HS6ST3: variants seen among roughly 807,000 people sequenced by gnomAD.
HS6ST3 encodes the protein heparan sulfate 6-O-sulfotransferase 3.
A neutral mutation model predicts 36.7 loss-of-function variants in HS6ST3; 12 were observed. That is an observed-to-expected ratio of 0.33 (90% CI 0.21 to 0.53). The LOEUF (loss-of-function observed/expected upper bound fraction) is 0.53. Ranked by LOEUF, HS6ST3 falls within the 20% of genes least tolerant of loss-of-function variation. The probability of loss-of-function intolerance (pLI) is 0.95; values close to 1 mark genes in which losing one functional copy is unlikely to be tolerated. For synonymous variants in HS6ST3, 240 were observed against 257.5 expected (o/e 0.93, Z 0.65); for missense variants, 584 against 640.9 (o/e 0.91, Z 0.96).
intron 1 of HS6ST3, among the ~76,000 whole-genome samples, chr13:96,345,890 T>C (rs2055151647): frequency 6.6e-6 from 1 of 152,244 alleles, no homozygotes; most frequent in Non-Finnish European, 1.5e-5. Context: ...AGAAAGTTTA[T>C]GAATCTGTGT....
intron 1 of HS6ST3, among the ~76,000 whole-genome samples, chr13:96,826,680 C>T (rs931444609): frequency 2.7e-4 from 41 of 152,270 alleles, no homozygotes; most frequent in African/African-American, 5.8e-4. Context: ...AGGCTTTCAA[C>T]GTGAGAGAAG....
intron 1 of HS6ST3, among the ~76,000 whole-genome samples, chr13:96,743,643 G>A (rs550427695): frequency 1.3e-5 from 2 of 152,084 alleles, no homozygotes; most frequent in African/African-American, 4.8e-5. Flanking sequence ...GAGTCCTTGT[G>A]GTGTGTGAAA....
At chr13:96,817,654 C>T (rs1878449632) in intron 1 of HS6ST3, among the ~76,000 whole-genome samples, 1 of 152,084 alleles carries the variant, frequency 6.6e-6, no homozygotes, top group South Asian at 2.1e-4. Context: ...CTTTTGGTTG[C>T]AGTTGTTTGC....
intron 1 of HS6ST3, among the ~76,000 whole-genome samples, chr13:96,644,794 C>A (rs888365050): frequency 6.6e-6 from 1 of 151,962 alleles, no homozygotes; most frequent in Non-Finnish European, 1.5e-5. Flanking sequence ...TTGTTGGCTT[C>A]TTGATATGGT....
intron 1 of HS6ST3, among the ~76,000 whole-genome samples, chr13:96,551,529 G>T: frequency 6.6e-6 from 1 of 152,118 alleles, no homozygotes; most frequent in East Asian, 1.9e-4. Flanking sequence ...TACTCTTGGG[G>T]GGTAGGTGGA....
intron 1 of HS6ST3, among the ~76,000 whole-genome samples, chr13:96,745,033 A>G (rs995036022): frequency 3.3e-5 from 5 of 151,992 alleles, no homozygotes; most frequent in Admixed American, 1.3e-4. Flanking sequence ...TACTAACCCA[A>G]CATTTCCTTC....
chr13:96,389,986 G>A (rs906188909), intron 1 of HS6ST3, among the ~76,000 whole-genome samples: 2 of 152,068 alleles, frequency 1.3e-5, no homozygotes, highest in Non-Finnish European at 1.5e-5. Context: ...TTTAAACTTG[G>A]TGTGTAATTT....
At chr13:96,365,846 T>C (rs1232204055) in intron 1 of HS6ST3, among the ~76,000 whole-genome samples, 1 of 152,138 alleles carries the variant, frequency 6.6e-6, no homozygotes, top group Non-Finnish European at 1.5e-5. Context: ...GATTTTTGTG[T>C]TACAGTTTCA....
chr13:96,664,594 A>G (rs1478232514), intron 1 of HS6ST3, among the ~76,000 whole-genome samples: 2 of 151,952 alleles, frequency 1.3e-5, no homozygotes, highest in African/African-American at 4.8e-5. Context: ...TCCTCCTCTC[A>G]CTCACTCTGA....
At chr13:96,214,749 T>G (rs1236883057) in intron 1 of HS6ST3, among the ~76,000 whole-genome samples, 1 of 152,150 alleles carries the variant, frequency 6.6e-6, no homozygotes, top group Non-Finnish European at 1.5e-5. Context: ...ACCTGTAGAT[T>G]GTAGAAATGT....
At chr13:96,456,753 A>T (rs1244310206) in intron 1 of HS6ST3, among the ~76,000 whole-genome samples, 1 of 152,124 alleles carries the variant, frequency 6.6e-6, no homozygotes, top group Non-Finnish European at 1.5e-5. Flanking sequence ...AATTTCATTT[A>T]TGTGGAATTT....
At chr13:96,223,852 G>T (rs956316430) in intron 1 of HS6ST3, among the ~76,000 whole-genome samples, 2 of 152,094 alleles carry the variant, frequency 1.3e-5, no homozygotes, top group African/African-American at 4.8e-5. Context: ...TGGATATCTA[G>T]TTGGGGGACT....
intron 1 of HS6ST3, among the ~76,000 whole-genome samples, chr13:96,244,229 T>G (rs1256359043): frequency 1.3e-5 from 2 of 152,198 alleles, no homozygotes; most frequent in Non-Finnish European, 2.9e-5. Context: ...CAATATGAAT[T>G]CAATAGTGCA....
At chr13:96,603,688 C>G (rs924389673) in intron 1 of HS6ST3, among the ~76,000 whole-genome samples, 7 of 152,058 alleles carry the variant, frequency 4.6e-5, no homozygotes, top group African/African-American at 1.7e-4. Flanking sequence ...AAGTAAATTG[C>G]TCTATATAGA....
chr13:96,384,246 T>C (rs2055356534), intron 1 of HS6ST3, among the ~76,000 whole-genome samples: 1 of 152,146 alleles, frequency 6.6e-6, no homozygotes, highest in African/African-American at 2.4e-5. Context: ...ACATTTATTT[T>C]ATTTTATTAT....
chr13:96,169,079 AT>A (rs1488671906), intron 1 of HS6ST3, among the ~76,000 whole-genome samples: 3 of 152,104 alleles, frequency 2.0e-5, no homozygotes, highest in Non-Finnish European at 2.9e-5. Context: ...TCTCATGATT[AT>A]TTCTGGCCTG....
At chr13:96,758,762 CTT>C (rs1320374470) in intron 1 of HS6ST3, among the ~76,000 whole-genome samples, 2 of 151,852 alleles carry the variant, frequency 1.3e-5, no homozygotes, top group East Asian at 3.8e-4. Flanking sequence ...TTTATTGAGA[CTT>C]ATGATACAAC....
chr13:96,623,315 C>A (rs547043793), intron 1 of HS6ST3, among the ~76,000 whole-genome samples: 1 of 152,256 alleles, frequency 6.6e-6, no homozygotes, highest in South Asian at 2.1e-4. Flanking sequence ...GTATATCTCC[C>A]TGTGCTGGGG....
chr13:96,817,985 T>A (rs1188145253), intron 1 of HS6ST3, among the ~76,000 whole-genome samples: 2 of 152,226 alleles, frequency 1.3e-5, no homozygotes, highest in Non-Finnish European at 2.9e-5. Context: ...TCTTAAAGAT[T>A]ATTTTATCAG....
Sources: gnomAD v4.1 joint callset for allele counts (sites outside exome capture counted in the v4.1 genomes callset) on GRCh38, gnomAD v4.1.1 for gene constraint, MANE v1.5 for transcripts, NCBI Gene and HGNC (gene_info 2026-07-23, HGNC 2026-07-21) for gene names.